The following TNRC6A variants were observed in gnomAD, a reference collection of about 807,000 sequenced individuals.
TNRC6A encodes trinucleotide repeat-containing gene 6A protein.
In TNRC6A, 44 loss-of-function variants were observed where a neutral mutation model predicts 221.2. That is an observed-to-expected ratio of 0.20 (90% confidence interval 0.16 to 0.26). The LOEUF (loss-of-function observed/expected upper bound fraction) is 0.26, where lower values mean the gene tolerates loss of function less well. Ranked by LOEUF, TNRC6A falls within the 10% of genes least tolerant of loss-of-function variation. The pLI is 1.00. For synonymous variants in TNRC6A, 847 were observed against 838.5 expected, an observed-to-expected ratio of 1.01 and a Z score of -0.18; for missense variants, 2,199 against 2,404.4, an observed-to-expected ratio of 0.91 and a Z score of 1.79.
intron 2 of TNRC6A, among the ~76,000 whole-genome samples, chr16:24,686,270 C>T (rs2142089467): frequency 6.6e-6 from 1 of 152,258 alleles, no homozygotes; most frequent in Admixed American, 6.5e-5. Context: ...TCACTTTAAC[C>T]ACTTCCCTCA....
intron 3 of TNRC6A, among the ~76,000 whole-genome samples, chr16:24,751,407 A>G (rs1057037467): frequency 6.6e-6 from 1 of 152,206 alleles, no homozygotes; most frequent in East Asian, 1.9e-4. Context: ...AACCTCGGAC[A>G]TTGTTTACTG....
intron 2 of TNRC6A, among the ~76,000 whole-genome samples, chr16:24,712,390 T>G (rs1449194475): frequency 1.3e-5 from 2 of 152,208 alleles, no homozygotes; most frequent in East Asian, 3.9e-4. Context: ...CCTTAAACAA[T>G]AGCATACCCC....
intron 2 of TNRC6A, among the ~76,000 whole-genome samples, chr16:24,687,884 C>CAGAAGAAGATGAAGAAGAAGA (rs1567357177): frequency 8.9e-6 from 1 of 111,974 alleles, no homozygotes; most frequent in Non-Finnish European, 1.7e-5. Context: ...GAAGAAGAAG[C>CAGAAGAAGATGAAGAAGAAGA]AGCTTATTCC....
At chr16:24,767,623 C>T (rs2112786) in intron 4 of TNRC6A, among the ~76,000 whole-genome samples, 49,650 of 151,940 alleles carry the variant, frequency 0.33, 8,489 homozygotes, top group East Asian at 0.47. Context: ...CCATGTTTTG[C>T]AAAAGCTTTT....
chr16:24,656,588 G>A (rs1020603841), intron 2 of TNRC6A, among the ~76,000 whole-genome samples: 27 of 151,580 alleles, frequency 1.8e-4, no homozygotes, highest in African/African-American at 6.5e-4. Context: ...AAATTCCAAA[G>A]GCAGAAATTG....
At chr16:24,687,954 CTTTTT>C (rs770651349) in intron 2 of TNRC6A, among the ~76,000 whole-genome samples, 285 of 70,610 alleles carry the variant, frequency 4.0e-3, no homozygotes, top group Middle Eastern at 6.8e-3. Flanking sequence ...CTTTTCTTTT[CTTTTT>C]TTTTTTTTTG....
At chr16:24,733,052 A>G (rs1176980303) in intron 2 of TNRC6A, among the ~76,000 whole-genome samples, 1 of 152,136 alleles carries the variant, frequency 6.6e-6, no homozygotes, top group East Asian at 1.9e-4. Flanking sequence ...CCTCATTTTT[A>G]CTAAAAATAC....
chr16:24,814,697 G>A (rs897489016), intron 18 of TNRC6A, among the ~76,000 whole-genome samples: 4 of 152,144 alleles, frequency 2.6e-5, no homozygotes, highest in African/African-American at 7.2e-5. Context: ...ACAGGCATGA[G>A]CCACCACGCC....
chr16:24,808,152 C>G (rs572201316), intron 17 of TNRC6A, among the ~76,000 whole-genome samples: 1 of 152,126 alleles, frequency 6.6e-6, no homozygotes, highest in African/African-American at 2.4e-5. Context: ...AGAATGATAC[C>G]CAAGTACAGG....
chr16:24,668,152 AC>A lies in TNRC6A; in HGVS notation n.402+27148del, dbSNP rs371728249. On this transcript the variant is annotated intron_variant and non_coding_transcript_variant, in intron 2 of 2. Transcript: ENST00000566108. ...AGACCAGCCTGACCAACATGGTGAA[AC>A]CCCCTCTCTACTAAAAGTACAAAAA... Among the ~76,000 whole-genome samples, 519 of 151,928 alleles carry A rather than the reference AC, an allele frequency of 3.4e-3. 10 individuals carry two copies. Among genetic ancestry groups the A allele is most frequent in the Non-Finnish European group, 2.8e-3 (192 of 67,954 alleles).
intron 1 of TNRC6A, among the ~76,000 whole-genome samples, chr16:24,619,469 C>T (rs1185232173): frequency 1.3e-5 from 2 of 152,138 alleles, no homozygotes; most frequent in Non-Finnish European, 2.9e-5. Context: ...GAGCAGGGAA[C>T]AATCAGATAC....
At chr16:24,726,419 AG>A (rs1003033560), upstream of TNRC6A, among the ~76,000 whole-genome samples, 2 of 151,686 alleles carry the variant, frequency 1.3e-5, no homozygotes, top group African/African-American at 2.4e-5. Context: ...ATATACTGTC[AG>A]GATGGCCTAG....
At chr16:24,803,591 T>C (rs1275063604) in intron 11 of TNRC6A, 5 of 152,254 alleles carry the variant, frequency 3.3e-5, no homozygotes, top group African/African-American at 1.2e-4. Context: ...CCTTAAGTTA[T>C]GTAACCTAAG....
chr16:24,731,701 T>C (rs2056647123), intron 2 of TNRC6A, among the ~76,000 whole-genome samples: 2 of 152,232 alleles, frequency 1.3e-5, no homozygotes, highest in Admixed American at 1.3e-4. Context: ...ATCAGTATAA[T>C]TCCTATGAAG....
Position 24,825,285 on chromosome 16 carries a change from A to T in TNRC6A, c.*1478A>T, listed in dbSNP as rs184118898. ...AGGGTAAAAATTTTAACAGTACAGA[A>T]TTTGCCATCATATCATTGCCTTGAT... On this transcript the variant is annotated 3_prime_UTR_variant, in exon 25 of 25. Transcript: ENST00000395799. The T allele has an allele frequency of 6.6e-6, 1 of 152,628 alleles. No homozygotes were observed. The highest frequency in any genetic ancestry group is 2.4e-5 in the African/African-American group (1 of 41,448). The allele number at this position is 152,628 out of a possible 1,614,324, so 9.5% of individuals were successfully genotyped here.
intron 4 of TNRC6A, among the ~76,000 whole-genome samples, chr16:24,764,402 C>T (rs1472614232): frequency 6.6e-6 from 1 of 151,596 alleles, no homozygotes; most frequent in Non-Finnish European, 1.5e-5. Context: ...TCTCAGCTCA[C>T]TGCAACCTCC....
chr16:24,735,797 A>C (rs990426396), intron 2 of TNRC6A, among the ~76,000 whole-genome samples: 2 of 152,230 alleles, frequency 1.3e-5, no homozygotes, highest in Non-Finnish European at 2.9e-5. Context: ...GGTATGCGTT[A>C]TATGTATTCT....
intron 2 of TNRC6A, among the ~76,000 whole-genome samples, chr16:24,660,312 G>A (rs1322525136): frequency 6.6e-6 from 1 of 151,962 alleles, no homozygotes; most frequent in Non-Finnish European, 1.5e-5. Flanking sequence ...TCCCACTTAT[G>A]AGTGAGAACA....
At chr16:24,725,706 A>AG (rs2056479334), upstream of TNRC6A, among the ~76,000 whole-genome samples, 1 of 151,850 alleles carries the variant, frequency 6.6e-6, no homozygotes, top group Non-Finnish European at 1.5e-5. Flanking sequence ...TGTTTGCTTA[A>AG]GAAAAAAAAA....
Sources: allele counts gnomAD v4.1 joint callset (sites outside exome capture counted in the v4.1 genomes callset), GRCh38; gene constraint gnomAD v4.1.1; transcripts MANE v1.5; gene names NCBI Gene and HGNC (gene_info 2026-07-23, HGNC 2026-07-21).